Variants in ARID2 observed in about 807,000 individuals in gnomAD.
The protein encoded by ARID2 is AT-rich interaction domain 2.
ARID2 carries 32 observed loss-of-function variants against 184.6 expected under a neutral mutation model. That is an observed-to-expected ratio of 0.17 (90% CI 0.13 to 0.23). ARID2 has a LOEUF of 0.23. Among genes scored for constraint, ARID2 ranks in the 10% least tolerant of loss-of-function variants. The pLI, the probability that ARID2 is intolerant of heterozygous loss-of-function variation, is 1.00. For synonymous variants in ARID2, 836 were observed against 772.6 expected (o/e 1.08, Z -1.36); for missense variants, 1,696 against 2,197.6 (o/e 0.77, Z 4.56).
intron 3 of ARID2, among the ~76,000 whole-genome samples, chr12:45,801,243 T>G (rs1488152027): frequency 1.3e-5 from 2 of 148,408 alleles, no homozygotes; most frequent in East Asian, 3.9e-4. Context: ...ACCCGGGAGG[T>G]GGAGTTTGCA....
At chr12:45,805,775 G>A (rs1942588618) in intron 3 of ARID2, among the ~76,000 whole-genome samples, 2 of 152,048 alleles carry the variant, frequency 1.3e-5, no homozygotes, top group African/African-American at 4.8e-5. Context: ...TTTGTGGTGA[G>A]AACATCTAAG....
chr12:45,747,059 G>A (rs902936763), intron 3 of ARID2, among the ~76,000 whole-genome samples: 11 of 152,146 alleles, frequency 7.2e-5, no homozygotes, highest in African/African-American at 2.4e-4. Flanking sequence ...GTGAGCCACC[G>A]TGCCCGGCTG....
At chr12:45,766,172 C>CT (rs527306642) in intron 3 of ARID2, among the ~76,000 whole-genome samples, 289 of 145,774 alleles carry the variant, frequency 2.0e-3, no homozygotes, top group East Asian at 4.2e-3. Context: ...ATATATTTAA[C>CT]TTTTTTTTTT....
intron 16 of ARID2, among the ~76,000 whole-genome samples, chr12:45,870,338 AC>A (rs1472014297): frequency 6.6e-6 from 1 of 152,138 alleles, no homozygotes; most frequent in Non-Finnish European, 1.5e-5. Flanking sequence ...AATCGAGCAG[AC>A]AGAATAGAGT....
At position 45,850,843 on chromosome 12, in the gene ARID2, C is replaced by T. The variant is rs770423384; in HGVS notation, c.2720C>T (p.Ser907Leu). The change falls in exon 15 of 21, where the codon TCA becomes TTA. Residue 907 changes from serine (S) to leucine (L), a missense_variant. This residue lies in a region of ARID2 where 713 missense variants were observed against 824.4 expected (regional missense o/e 0.86). Coordinates refer to ENST00000334344, the MANE Select transcript of ARID2 (RefSeq NM_152641.4). Reference protein sequence around the residue: ...APKPLPSQQVSSTVVQQPIQQ... With the variant: ...APKPLPSQQVLSTVVQQPIQQ... ...AAACCTCTCCCTTCTCAGCAAGTTT[C>T]ATCTACAGTGGTACAGCAGCCTATT... The T allele has an allele frequency of 6.2e-7, 1 of 1,614,034 alleles. No homozygotes were observed. The highest frequency in any genetic ancestry group is 1.3e-5 in the African/African-American group (1 of 74,904).
In ARID2 at chr12:45,851,826, C is replaced by T. The variant is rs779834747; in HGVS notation, c.3703C>T (p.Pro1235Ser). 3.7e-6 allele frequency: 6 copies of T among 1,613,980 alleles called. No individual in the cohort carries two copies. The Admixed American group carries it at 6.7e-5, about 18-fold the overall frequency. The change falls in exon 15 of 21, where the codon CCC becomes TCC. Residue 1235 changes from proline (P) to serine (S), a missense_variant. Pro to Ser is a moderately conservative substitution (Grantham distance 74). This residue lies in a region of ARID2 where 428 missense variants were observed against 409.1 expected (regional missense o/e 1.05). Coordinates refer to ENST00000334344, the MANE Select transcript of ARID2 (RefSeq NM_152641.4). Reference sequence around the variant, plus strand: ...ACAATCATCATGTACTACTGCTACTCCCCCATTCAAAGGTGATAAAATAAT... The same window carrying T: ...ACAATCATCATGTACTACTGCTACTTCCCCATTCAAAGGTGATAAAATAAT... ...AGQSSCTTAT[P>S]PFKGDKIICQ...
At chr12:45,735,195 A>G (rs943763904) in intron 3 of ARID2, among the ~76,000 whole-genome samples, 8 of 152,024 alleles carry the variant, frequency 5.3e-5, no homozygotes, top group Non-Finnish European at 1.2e-4. Context: ...TTGAATGAAT[A>G]CACTCATGTG....
Position 45,850,599 on chromosome 12 carries a change from C to T in ARID2, c.2476C>T (p.Pro826Ser), listed in dbSNP as rs961833189. 2.0e-5 allele frequency: 32 copies of T among 1,614,004 alleles called. No individual in the cohort carries two copies. The highest frequency in any genetic ancestry group is 3.4e-6 in the Non-Finnish European group (4 of 1,180,002). The change falls in exon 15 of 21, where the codon CCC (proline) becomes TCC (serine). Residue 826 changes from proline (P) to serine (S), a missense_variant. Pro to Ser is a moderately conservative substitution (Grantham distance 74). This residue lies in a region of ARID2 where 713 missense variants were observed against 824.4 expected (regional missense o/e 0.86). Transcript: ENST00000334344. ...SQGQQLITTS[P>S]QPVQTSSQQT... The stretch of plus-strand genomic sequence containing the variant: ...GGGTCAACAGTTAATCACCACATCA[C>T]CCCAACCTGTGCAAACTTCATCTCA...
At chr12:45,876,068 A>G (rs1400964130) in intron 16 of ARID2, among the ~76,000 whole-genome samples, 1 of 152,248 alleles carries the variant, frequency 6.6e-6, no homozygotes, top group African/African-American at 2.4e-5. Flanking sequence ...CTTTCTCACT[A>G]AACTTAATCA....
At chr12:45,877,710 A>T (rs554277072) in intron 16 of ARID2, among the ~76,000 whole-genome samples, 21 of 152,180 alleles carry the variant, frequency 1.4e-4, no homozygotes, top group Non-Finnish European at 1.8e-4. Flanking sequence ...CACTCATTTC[A>T]CTTATCTGTA....
intron 3 of ARID2, among the ~76,000 whole-genome samples, chr12:45,810,850 C>T (rs1942693015): frequency 6.6e-6 from 1 of 152,066 alleles, no homozygotes; most frequent in Admixed American, 6.6e-5. Context: ...CTGATATTCC[C>T]TATTTTTATA....
At chr12:45,828,241 T>C (rs1461808589) in intron 6 of ARID2, among the ~76,000 whole-genome samples, 1 of 152,096 alleles carries the variant, frequency 6.6e-6, no homozygotes, top group Non-Finnish European at 1.5e-5. Flanking sequence ...TTCTCTTTTT[T>C]TCTTTTGTTC....
At chr12:45,862,357 G>A (rs1035607627) in intron 16 of ARID2, among the ~76,000 whole-genome samples, 1 of 152,038 alleles carries the variant, frequency 6.6e-6, no homozygotes, top group Admixed American at 6.6e-5. Context: ...ATTCATTGAA[G>A]GATTATTTCC....
chr12:45,745,475 T>C (rs1941336967), intron 3 of ARID2, among the ~76,000 whole-genome samples: 1 of 152,154 alleles, frequency 6.6e-6, no homozygotes, highest in African/African-American at 2.4e-5. Flanking sequence ...CACTAACCAC[T>C]CCATTCTGTT....
rs1283566548 is a variant in ARID2 at position 45,891,996 on chromosome 12, C to T, written c.5062-15C>T. ...TTTTGACGTGCCATTCTCTTGCTTC[C>T]TCTTCCTCAAAAAGGATAAGCACTG... On this transcript the variant is annotated splice_polypyrimidine_tract_variant and intron_variant, in intron 17 of 20. Transcript: ENST00000334344. 2.5e-6 allele frequency: 4 copies of T among 1,613,920 alleles called. No individual in the cohort carries two copies. The highest frequency in any genetic ancestry group is 3.4e-6 in the Non-Finnish European group (4 of 1,179,952).
At chr12:45,899,699 A>ATATATATGGTTT (rs1565644936) in intron 20 of ARID2, among the ~76,000 whole-genome samples, 70 of 140,052 alleles carry the variant, frequency 5.0e-4, no homozygotes, top group Non-Finnish European at 8.0e-4. Flanking sequence ...ATATGGTTAT[A>ATATATATGGTTT]TATATATATG....
At position 45,850,814 on chromosome 12, in the gene ARID2, A is replaced by G; in HGVS notation, c.2691A>G (p.Ala897=). The stretch of plus-strand genomic sequence containing the variant: ...CAAGGGTAGGGTTTCAGAACATTGC[A>G]CCAAAACCTCTCCCTTCTCAGCAAG... ...QASRVGFQNI[A]PKPLPSQQVS... Residue 897 remains alanine (A), a synonymous_variant, in exon 15 of 21, where the codon GCA becomes GCG. Transcript: ENST00000334344. 6.2e-7 allele frequency: 1 copy of G among 1,614,040 alleles called. No homozygotes were observed. The highest frequency in any genetic ancestry group is 8.5e-7 in the Non-Finnish European group (1 of 1,180,006).
intron 20 of ARID2, among the ~76,000 whole-genome samples, chr12:45,899,649 T>TTATATATATATA (rs1565644760): frequency 6.8e-5 from 5 of 73,058 alleles, no homozygotes; most frequent in Non-Finnish European, 1.1e-4. Context: ...ATATATATAT[T>TTATATATATATA]TGGTTATATA....
intron 5 of ARID2, among the ~76,000 whole-genome samples, chr12:45,820,816 G>A (rs975672361): frequency 1.3e-5 from 2 of 152,124 alleles, no homozygotes. Context: ...GGCCACATGT[G>A]GATGAGAGAC....
Sources: allele counts gnomAD v4.1 joint callset (sites outside exome capture counted in the v4.1 genomes callset), GRCh38; gene constraint gnomAD v4.1.1; regional missense constraint gnomAD v4.1.1; transcripts MANE v1.5; gene names NCBI Gene and HGNC (gene_info 2026-07-23, HGNC 2026-07-21).